Variants in AOPEP observed in about 807,000 individuals in gnomAD.
AOPEP encodes aminopeptidase O (putative), also known as aminopeptidase O.
Under a neutral mutation model 98.1 loss-of-function variants are expected in AOPEP, and 77 were observed. The ratio of observed to expected loss-of-function variants is 0.78; its 90% CI spans 0.65 to 0.95. AOPEP has a LOEUF of 0.95. Among genes scored for constraint, AOPEP ranks in the 40% least tolerant of loss-of-function variants. AOPEP has a pLI of 0.00. For missense variants in AOPEP, 1,024 were observed against 1,024.7 expected (o/e 1.00, Z 0.01); for synonymous variants, 346 against 365.3 (o/e 0.95, Z 0.60).
At chr9:95,046,266 AGCAGAATT>A (rs1365903978) in intron 13 of AOPEP, among the ~76,000 whole-genome samples, 1 of 152,248 alleles carries the variant, frequency 6.6e-6, no homozygotes, top group East Asian at 1.9e-4. Context: ...TTTAGTTGAA[AGCAGAATT>A]GCAAATTTGA....
the AOPEP span, chr9:95,100,161 ATGTT>A: frequency 4.3e-6 from 1 of 232,772 alleles, no homozygotes; most frequent in Non-Finnish European, 8.5e-6. Context: ...CTGACGAAGC[ATGTT>A]TGTTATATGA....
intron 5 of AOPEP, among the ~76,000 whole-genome samples, chr9:94,893,682 A>C (rs2049123771): frequency 6.6e-6 from 1 of 152,182 alleles, no homozygotes; most frequent in Admixed American, 6.5e-5. Context: ...GCATTCATTC[A>C]TTCAGCCTAC....
the AOPEP span, among the ~76,000 whole-genome samples, chr9:95,104,315 G>A: frequency 6.6e-6 from 1 of 152,220 alleles, no homozygotes; most frequent in African/African-American, 2.4e-5. Flanking sequence ...TGCCCAGATG[G>A]CCAGCATCCG....
chr9:94,915,317 C>T (rs759874161), intron 5 of AOPEP, among the ~76,000 whole-genome samples: 26 of 152,274 alleles, frequency 1.7e-4, no homozygotes, highest in African/African-American at 2.6e-4. Flanking sequence ...TAATCATCAC[C>T]GCTCCTGCCA....
intron 9 of AOPEP, among the ~76,000 whole-genome samples, chr9:94,965,951 G>T (rs548489888): frequency 4.5e-4 from 68 of 151,046 alleles, no homozygotes; most frequent in African/African-American, 1.6e-3. Flanking sequence ...CCTGTGTAGA[G>T]TCTGTATTTG....
intron 4 of AOPEP, among the ~76,000 whole-genome samples, chr9:94,796,380 G>C (rs1846937885): frequency 6.6e-6 from 1 of 152,236 alleles, no homozygotes; most frequent in South Asian, 2.1e-4. Context: ...GTCTTTAGCT[G>C]TCAGAAAGTG....
chr9:95,088,212 T>C (rs561510233), downstream of AOPEP, among the ~76,000 whole-genome samples: 6 of 152,110 alleles, frequency 3.9e-5, no homozygotes, highest in Admixed American at 1.3e-4. Context: ...CTTTTTTTTT[T>C]CCTTCCTTTC....
the AOPEP span, among the ~76,000 whole-genome samples, chr9:95,109,919 C>T: frequency 6.6e-6 from 1 of 152,198 alleles, no homozygotes; most frequent in African/African-American, 2.4e-5. Context: ...ACGTATCATT[C>T]ATTAAACTAA....
chr9:94,979,455 A>C, intron 11 of AOPEP, 28 bp downstream of exon 11: 1 of 1,464,204 alleles, frequency 6.8e-7, no homozygotes, highest in Non-Finnish European at 9.5e-7. Context: ...CTTTGGTAGA[A>C]TCCATGGAGA....
intron 13 of AOPEP, among the ~76,000 whole-genome samples, chr9:95,015,341 T>C (rs1036960423): frequency 4.6e-5 from 7 of 152,228 alleles, no homozygotes; most frequent in African/African-American, 9.6e-5. Flanking sequence ...GAACCTATTA[T>C]AGAAGTCCTG....
intron 7 of AOPEP, among the ~76,000 whole-genome samples, chr9:94,951,039 C>T (rs142329810): frequency 1.2e-4 from 19 of 152,262 alleles, no homozygotes; most frequent in Non-Finnish European, 2.2e-4. Flanking sequence ...AAAAGGAAGG[C>T]GTGGGGAAGG....
chr9:95,018,505 A>G (rs1007471521), intron 13 of AOPEP, among the ~76,000 whole-genome samples: 1 of 152,252 alleles, frequency 6.6e-6, no homozygotes, highest in Non-Finnish European at 1.5e-5. Context: ...CACTGAGCCT[A>G]GAATCTTCAT....
At chr9:94,984,064 C>T (rs2060364023) in intron 11 of AOPEP, among the ~76,000 whole-genome samples, 2 of 150,120 alleles carry the variant, frequency 1.3e-5, no homozygotes, top group Admixed American at 6.6e-5. Flanking sequence ...GACGGAATCT[C>T]GCTCTGTTAC....
intron 1 of AOPEP, among the ~76,000 whole-genome samples, chr9:94,753,491 T>G (rs1836289575): frequency 1.3e-5 from 2 of 152,272 alleles, no homozygotes; most frequent in Admixed American, 1.3e-4. Context: ...TTGTGTAAGT[T>G]ATGAAACAGT....
chr9:94,964,830 G>C (rs1432005255), intron 9 of AOPEP, among the ~76,000 whole-genome samples: 1 of 151,666 alleles, frequency 6.6e-6, no homozygotes, highest in Non-Finnish European at 1.5e-5. Flanking sequence ...TAGTAGAGAC[G>C]GGGTTTCACT....
At chr9:94,849,989 C>T (rs2043346435) in intron 5 of AOPEP, among the ~76,000 whole-genome samples, 1 of 149,678 alleles carries the variant, frequency 6.7e-6, no homozygotes, top group African/African-American at 2.5e-5. Flanking sequence ...GAGCCAAGAT[C>T]ATGCCACGGC....
the AOPEP span, among the ~76,000 whole-genome samples, chr9:95,128,714 G>A: frequency 1.3e-5 from 2 of 152,188 alleles, no homozygotes; most frequent in Non-Finnish European, 2.9e-5. Flanking sequence ...TGCTGGCTGT[G>A]TGGAATCTGC....
intron 2 of AOPEP, among the ~76,000 whole-genome samples, chr9:94,761,835 T>C (rs939491181): frequency 6.6e-6 from 1 of 152,216 alleles, no homozygotes; most frequent in African/African-American, 2.4e-5. Flanking sequence ...TTTTGGAGAC[T>C]GTGAAAGAAT....
At chr9:95,087,774 A>G (rs981698091), downstream of AOPEP, among the ~76,000 whole-genome samples, 2 of 152,190 alleles carry the variant, frequency 1.3e-5, no homozygotes, top group African/African-American at 2.4e-5. Context: ...GGCACTGTCC[A>G]TGGGGCAGAA....
Sources: gnomAD v4.1 joint callset for allele counts (sites outside exome capture counted in the v4.1 genomes callset) on GRCh38, gnomAD v4.1.1 for gene constraint, MANE v1.5 for transcripts, NCBI Gene and HGNC (gene_info 2026-07-23, HGNC 2026-07-21) for gene names.